Variants in SEC14L6 observed in about 807,000 individuals in gnomAD.
SEC14L6 encodes the protein SEC14 like lipid binding 6.
Under a neutral mutation model 54.1 loss-of-function variants are expected in SEC14L6, and 40 were observed. The ratio of observed to expected loss-of-function variants is 0.74; its 90% CI spans 0.57 to 0.96. The LOEUF is 0.96. SEC14L6 is among the 40% of genes least tolerant of loss of function. SEC14L6 has a pLI of 0.00. For synonymous variants in SEC14L6, 171 were observed against 198.4 expected (o/e 0.86, Z 1.16); for missense variants, 471 against 498.3 (o/e 0.95, Z 0.52).
intron 2 of SEC14L6, among the ~76,000 whole-genome samples, chr22:30,535,975 C>T (rs1937130561): frequency 6.6e-6 from 1 of 151,302 alleles, no homozygotes; most frequent in African/African-American, 2.4e-5. Context: ...GTCATTCTCC[C>T]ACAGCCTCCT....
At chr22:30,532,985 C>T in intron 3 of SEC14L6, 129 bp from the exon 4 acceptor site, 2 of 1,504,656 alleles carry the variant, frequency 1.3e-6, no homozygotes, top group Non-Finnish European at 1.8e-6. Context: ...CCCCAGGCTC[C>T]ACTGACATAG....
Position 30,532,003 on chromosome 22 carries a change from A to G in SEC14L6, c.424-5T>C. On this transcript the variant is annotated splice_polypyrimidine_tract_variant and splice_region_variant and intron_variant, in intron 5 of 11. Coordinates refer to ENST00000402034, the MANE Select transcript of SEC14L6 (RefSeq NM_001193336.4). ...TTTCTCCACCCTCTTCCCCAGCTGCAAGGGAATGACAGGGGGTGAGACCCT... is the reference window on the plus strand; with the variant it reads ...TTTCTCCACCCTCTTCCCCAGCTGCGAGGGAATGACAGGGGGTGAGACCCT... 1 of 1,549,746 alleles carries G rather than the reference A, an allele frequency of 6.5e-7. No individual in the cohort carries two copies. The highest frequency in any genetic ancestry group is 1.2e-5 in the South Asian group (1 of 83,992).
In SEC14L6 at chr22:30,532,853, T is replaced by A. The variant is rs981589415; in HGVS notation, c.178A>T (p.Met60Leu). 1 of 1,613,356 alleles carries A rather than the reference T, an allele frequency of 6.2e-7. No individual in the cohort carries two copies. The highest frequency in any genetic ancestry group is 1.3e-5 in the African/African-American group (1 of 74,874). Residue 60 changes from methionine (M) to leucine (L), a missense_variant, in exon 4 of 12, where the codon ATG becomes TTG. Met to Leu is a conservative substitution (Grantham distance 15). Coordinates refer to ENST00000402034, the MANE Select transcript of SEC14L6 (RefSeq NM_001193336.4). Reference protein sequence around the residue: ...QKSEDMLRKHMEFRKQQDLAN... With the variant: ...QKSEDMLRKHLEFRKQQDLAN... ...AGGTCTTGTTGCTTCCGGAACTCCA[T>A]ATGCTGCAGAGACACGGCAGGAGGT...
At position 30,525,240 on chromosome 22, in the gene SEC14L6, A is replaced by G. The variant is rs6518697; in HGVS notation, c.1081+110T>C. The G allele has an allele frequency of 0.013, 17,772 of 1,398,490 alleles. 997 individuals carry two copies. The African/African-American group carries it at 0.15, about 12-fold the overall frequency. The allele number at this position is 1,398,490 out of a possible 1,614,324, so 86.6% of individuals were successfully genotyped here. ...ATTGAGAGCCCAGAGCCAGCCTCAC[A>G]CTGTGCCCACCAGAACCAAGGGCCC... On this transcript the variant is annotated intron_variant, in intron 11 of 11. Coordinates refer to ENST00000402034, the MANE Select transcript of SEC14L6 (RefSeq NM_001193336.4).
chr22:30,533,877 T>G, intron 3 of SEC14L6, 119 bp downstream of exon 3: 1 of 976,150 alleles, frequency 1.0e-6, no homozygotes, highest in South Asian at 1.6e-5. Context: ...CCTTCCAGTC[T>G]CAATGAATGG....
In SEC14L6 at chr22:30,542,515, C is replaced by A. The variant is rs887101047; in HGVS notation, c.55-3613G>T. On this transcript the variant is annotated intron_variant, in intron 1 of 11. Coordinates refer to ENST00000402034, the MANE Select transcript of SEC14L6 (RefSeq NM_001193336.4). ...GTGGAGCGGGGACCCGGCCTCTGGG[C>A]AGCCCCGGCGGCGCTTCTAGTGCCT... is the stretch of plus-strand genomic sequence containing the variant. The A allele has an allele frequency of 2.7e-5, 23 of 836,528 alleles. No homozygotes were observed. The South Asian group carries it at 4.3e-4, about 16-fold the overall frequency. The allele number at this position is 836,528 out of a possible 1,614,324, so 51.8% of individuals were successfully genotyped here.
At chr22:30,537,884 C>G (rs117298022) in intron 2 of SEC14L6, among the ~76,000 whole-genome samples, 2,652 of 152,258 alleles carry the variant, frequency 0.017, 47 homozygotes, top group Middle Eastern at 0.041. Context: ...CTTGACTCAT[C>G]GGAGCACTTA....
intron 1 of SEC14L6, among the ~76,000 whole-genome samples, chr22:30,545,486 C>T (rs893717464): frequency 2.6e-5 from 4 of 152,032 alleles, no homozygotes; most frequent in African/African-American, 9.7e-5. Context: ...TCTCGACCTC[C>T]TAGGCTCAAT....
chr22:30,545,479 C>T (rs1242199429), intron 1 of SEC14L6, among the ~76,000 whole-genome samples: 1 of 152,008 alleles, frequency 6.6e-6, no homozygotes, highest in Admixed American at 6.5e-5. Flanking sequence ...ACCGCAGTCT[C>T]GACCTCCTAG....
intron 5 of SEC14L6, 56 bp from the exon 6 acceptor site, chr22:30,532,054 C>T (rs1327359702): frequency 1.3e-6 from 2 of 1,531,362 alleles, no homozygotes; most frequent in Non-Finnish European, 1.8e-6. Context: ...CCCACCCATC[C>T]AAGATGGGGC....
Position 30,524,814 on chromosome 22 carries a change from G to A in SEC14L6, c.*183C>T. The A allele has an allele frequency of 1.8e-6, 1 of 564,736 alleles. No individual in the cohort carries two copies. The highest frequency in any genetic ancestry group is 3.0e-5 in the Admixed American group (1 of 33,810). 35.0% of individuals were successfully genotyped at this position (564,736 alleles called of 1,614,324 possible). A position where few individuals can be genotyped will look rare whatever the true frequency, so the allele number is the denominator to read the frequency against. Reference sequence around the variant, plus strand: ...TGTGTTGCTTTGCTGTGACCATCGGGCCACCACTAGGACACTGTCCCAGCC... The same window carrying A: ...TGTGTTGCTTTGCTGTGACCATCGGACCACCACTAGGACACTGTCCCAGCC... On this transcript the variant is annotated 3_prime_UTR_variant, in exon 12 of 12. Transcript: ENST00000402034.
At chr22:30,532,221 A>G (rs1937001817) in intron 5 of SEC14L6, 1 of 985,476 alleles carries the variant, frequency 1.0e-6, no homozygotes, top group Non-Finnish European at 1.2e-6. Flanking sequence ...GCTGTGTTGC[A>G]GTTCCCTCTT....
intron 1 of SEC14L6, among the ~76,000 whole-genome samples, chr22:30,539,202 C>T (rs1161156195): frequency 6.6e-6 from 1 of 152,062 alleles, no homozygotes; most frequent in African/African-American, 2.4e-5. Context: ...CATGGTGAAA[C>T]CCTGTCTGTA....
In SEC14L6 at chr22:30,539,009, G is replaced by A. The variant is rs187092650; in HGVS notation, c.55-107C>T. 7.1e-4 allele frequency: 513 copies of A among 726,166 alleles called. 1 individual carries two copies. Among genetic ancestry groups the A allele is most frequent in the Middle Eastern group, 1.1e-3 (4 of 3,538 alleles). The allele number at this position is 726,166 out of a possible 1,614,324, so 45.0% of individuals were successfully genotyped here. ...ATGTCTGAGTGAAGAGGTCCCACTC[G>A]GGCTGGGAGGATCAGGGTCCGGGTC... On this transcript the variant is annotated intron_variant, in intron 1 of 11. Transcript: ENST00000402034.
At chr22:30,526,012 C>G in intron 8 of SEC14L6, 80 bp from the exon 9 acceptor site, 1 of 1,508,884 alleles carries the variant, frequency 6.6e-7, no homozygotes, top group Non-Finnish European at 9.0e-7. Context: ...CCAGGTCTGT[C>G]CTTTGGCCAG....
chr22:30,529,471 T>C, intron 6 of SEC14L6, 122 bp from the exon 7 acceptor site: 1 of 759,688 alleles, frequency 1.3e-6, no homozygotes, highest in Non-Finnish European at 2.2e-6. Flanking sequence ...ATCCAAGGCT[T>C]TGATGCAGAC....
chr22:30,539,612 C>A (rs536420993), intron 1 of SEC14L6, among the ~76,000 whole-genome samples: 46 of 152,320 alleles, frequency 3.0e-4, no homozygotes, highest in African/African-American at 1.1e-3. Context: ...CAGTGAGTGG[C>A]AGAGCCAGTT....
chr22:30,531,234 C>T (rs1936959127), intron 6 of SEC14L6, among the ~76,000 whole-genome samples: 1 of 151,532 alleles, frequency 6.6e-6, no homozygotes, highest in Non-Finnish European at 1.5e-5. Context: ...ATGGTGAAAC[C>T]CCCTCTCTAC....
rs945174225 is a variant in SEC14L6, at chr22:30,543,956, C to T, written c.54+2673G>A. ...AGCATTCAGACCAGCCTGCAGCCTG[C>T]GTCGGAGGACACCCTCACCTATGCT... On this transcript the variant is annotated intron_variant, in intron 1 of 11. Transcript: ENST00000402034. 1.1e-5 allele frequency: 18 copies of T among 1,605,790 alleles called. 1 individual carries two copies. Among genetic ancestry groups the T allele is most frequent in the African/African-American group, 2.7e-5 (2 of 74,724 alleles).
Sources: allele counts gnomAD v4.1 joint callset (sites outside exome capture counted in the v4.1 genomes callset), GRCh38; gene constraint gnomAD v4.1.1; transcripts MANE v1.5; gene names NCBI Gene and HGNC (gene_info 2026-07-23, HGNC 2026-07-21).